The following DLG2 variants were observed in gnomAD, a reference collection of about 807,000 sequenced individuals.
The protein encoded by DLG2 is discs large MAGUK scaffold protein 2.
Under a neutral mutation model 132.5 loss-of-function variants are expected in DLG2, and 45 were observed. That is an observed-to-expected ratio of 0.34 (90% CI 0.27 to 0.44). The LOEUF (loss-of-function observed/expected upper bound fraction) is 0.44. Ranked by LOEUF, DLG2 falls within the 20% of genes least tolerant of loss-of-function variation. The pLI is 1.00. For missense variants in DLG2, 1,045 were observed against 1,196.9 expected, an observed-to-expected ratio of 0.87 and a Z score of 1.87; for synonymous variants, 424 against 419.6, an observed-to-expected ratio of 1.01 and a Z score of -0.13.
chr11:84,720,467 G>T (rs1451619721), intron 6 of DLG2: 18 of 985,104 alleles, frequency 1.8e-5, no homozygotes, highest in Non-Finnish European at 2.2e-5. Flanking sequence ...CACATGGAGC[G>T]ACAGCCTAGA....
chr11:83,605,474 G>C (rs1430876649), intron 19 of DLG2, among the ~76,000 whole-genome samples: 1 of 152,184 alleles, frequency 6.6e-6, no homozygotes, highest in East Asian at 1.9e-4. Flanking sequence ...AATAACTCCA[G>C]AAGAGACAAC....
In DLG2 at chr11:85,236,014, A is replaced by C. The variant is rs187761343; in HGVS notation, c.186+49206T>G. ...CGATTACTTGTATTTTAACACTTCT[A>C]TAGTCAGGATGAGGGAAGGACCAAG... is the stretch of plus-strand genomic sequence containing the variant. On this transcript the variant is annotated intron_variant, in intron 4 of 27. Transcript: ENST00000376104. 1.7e-3 allele frequency among the ~76,000 whole-genome samples: 264 copies of C among 151,968 alleles called. 1 individual carries two copies. The highest frequency in any genetic ancestry group is 1.3e-3 in the Admixed American group (20 of 15,190).
chr11:85,068,856 C>A (rs2065338033), intron 6 of DLG2, among the ~76,000 whole-genome samples: 1 of 152,060 alleles, frequency 6.6e-6, no homozygotes, highest in Non-Finnish European at 1.5e-5. Context: ...AAATCCTAAG[C>A]CAAAAGAACA....
At chr11:83,504,593 C>G (rs7946921) in intron 21 of DLG2, among the ~76,000 whole-genome samples, 7,086 of 152,190 alleles carry the variant, frequency 0.047, 564 homozygotes, top group African/African-American at 0.16. Flanking sequence ...ATCGTTGTGT[C>G]TCCTGGTGGC....
chr11:85,285,721 TG>T (rs1348789290), intron 3 of DLG2, among the ~76,000 whole-genome samples: 1 of 151,988 alleles, frequency 6.6e-6, no homozygotes, highest in African/African-American at 2.4e-5. Flanking sequence ...GAAGTCAGTC[TG>T]GAAAGGATAC....
chr11:84,419,375 G>A (rs1246036527), intron 7 of DLG2, among the ~76,000 whole-genome samples: 1 of 152,050 alleles, frequency 6.6e-6, no homozygotes, highest in Admixed American at 6.6e-5. Flanking sequence ...TAATATAATA[G>A]CATTTTACCT....
intron 6 of DLG2, among the ~76,000 whole-genome samples, chr11:85,018,513 C>T (rs1034504042): frequency 3.9e-5 from 6 of 152,130 alleles, no homozygotes; most frequent in Non-Finnish European, 8.8e-5. Flanking sequence ...ATCAAAGATT[C>T]GTGTGATCTT....
intron 6 of DLG2, among the ~76,000 whole-genome samples, chr11:85,033,440 T>C (rs919323102): frequency 6.1e-5 from 8 of 131,146 alleles, no homozygotes; most frequent in Non-Finnish European, 1.3e-4. Flanking sequence ...GATAAAAAAA[T>C]AGAAAGCAAC....
At chr11:85,126,398 G>A (rs184641155) in intron 5 of DLG2, among the ~76,000 whole-genome samples, 8 of 152,254 alleles carry the variant, frequency 5.3e-5, no homozygotes, top group African/African-American at 1.9e-4. Flanking sequence ...TGATCCTCTT[G>A]CAGCTGGATG....
chr11:84,512,046 G>C (rs942443850), intron 7 of DLG2, among the ~76,000 whole-genome samples: 1 of 152,080 alleles, frequency 6.6e-6, no homozygotes, highest in Non-Finnish European at 1.5e-5. Flanking sequence ...TTCCTCAAAG[G>C]CTACAAGTCT....
chr11:85,165,972 A>T (rs1185883895), intron 4 of DLG2, among the ~76,000 whole-genome samples: 1 of 152,096 alleles, frequency 6.6e-6, no homozygotes. Context: ...CTCCTGAACC[A>T]CATCTTTACT....
intron 10 of DLG2, among the ~76,000 whole-genome samples, chr11:84,063,285 T>C (rs1016751960): frequency 6.6e-6 from 1 of 152,214 alleles, no homozygotes; most frequent in Admixed American, 6.5e-5. Flanking sequence ...CGCAGATTAA[T>C]TTTAATATTC....
At chr11:84,205,271 A>G (rs2096650499) in intron 8 of DLG2, among the ~76,000 whole-genome samples, 1 of 152,222 alleles carries the variant, frequency 6.6e-6, no homozygotes, top group African/African-American at 2.4e-5. Context: ...AAAGGGAAGT[A>G]TAGACAAATC....
intron 6 of DLG2, among the ~76,000 whole-genome samples, chr11:84,540,852 T>A (rs2099366879): frequency 6.6e-6 from 1 of 152,158 alleles, no homozygotes; most frequent in African/African-American, 2.4e-5. Flanking sequence ...CATGGAATAC[T>A]ATGCAGCCAT....
In DLG2 at chr11:83,618,146, T is replaced by C. The variant is rs185342234; in HGVS notation, c.1940+15065A>G. On this transcript the variant is annotated intron_variant, in intron 19 of 27. Coordinates refer to ENST00000376104, the MANE Select transcript of DLG2 (RefSeq NM_001142699.3). ...ATGATCATCTGAATCTTATCTTTTATTCTGTTAATGTGATTTTCTAATGTT... is the reference window on the plus strand; with the variant it reads ...ATGATCATCTGAATCTTATCTTTTACTCTGTTAATGTGATTTTCTAATGTT... Among the ~76,000 whole-genome samples, 183 of 152,330 alleles carry C rather than the reference T, an allele frequency of 1.2e-3. 1 individual carries two copies. The highest frequency in any genetic ancestry group is 2.0e-3 in the Non-Finnish European group (136 of 68,030).
chr11:85,001,165 C>G (rs1293122461), intron 6 of DLG2, among the ~76,000 whole-genome samples: 1 of 151,792 alleles, frequency 6.6e-6, no homozygotes, highest in Admixed American at 6.6e-5. Context: ...ATGATTACCG[C>G]TTCCTGCAGC....
intron 6 of DLG2, among the ~76,000 whole-genome samples, chr11:84,639,543 G>A (rs970759240): frequency 6.6e-6 from 1 of 152,074 alleles, no homozygotes; most frequent in Non-Finnish European, 1.5e-5. Flanking sequence ...AGGAACACTA[G>A]ACCATTTACT....
At chr11:85,511,985 T>G (rs2094083231) in intron 3 of DLG2, among the ~76,000 whole-genome samples, 1 of 152,048 alleles carries the variant, frequency 6.6e-6, no homozygotes, top group Non-Finnish European at 1.5e-5. Flanking sequence ...TATTAATTGT[T>G]CATACCAATG....
Position 83,927,856 on chromosome 11 carries a change from G to A in DLG2, c.1496+2472C>T, listed in dbSNP as rs185880240. 5.9e-5 allele frequency among the ~76,000 whole-genome samples: 9 copies of A among 152,234 alleles called. No homozygotes were observed. The East Asian group carries it at 1.5e-3, about 26-fold the overall frequency. ...AAGTGAATAAATCTGAGATATTTTGGAGGTAGAATCAACAGGACTTGAAGA... is the reference window on the plus strand; with the variant it reads ...AAGTGAATAAATCTGAGATATTTTGAAGGTAGAATCAACAGGACTTGAAGA... On this transcript the variant is annotated intron_variant, in intron 15 of 27. Coordinates refer to ENST00000376104, the MANE Select transcript of DLG2 (RefSeq NM_001142699.3).
Sources: gnomAD v4.1 joint callset for allele counts (sites outside exome capture counted in the v4.1 genomes callset) on GRCh38, gnomAD v4.1.1 for gene constraint, MANE v1.5 for transcripts, NCBI Gene and HGNC (gene_info 2026-07-23, HGNC 2026-07-21) for gene names.